The following HOTAIR variants were observed in gnomAD, a reference collection of about 807,000 sequenced individuals.
The protein encoded by HOTAIR is HOX transcript antisense RNA.
chr12:53,969,964 GC>G (rs1939121764), intron 1 of HOTAIR, among the ~76,000 whole-genome samples: 1 of 152,226 alleles, frequency 6.6e-6, no homozygotes, highest in African/African-American at 2.4e-5. Flanking sequence ...TCTGGGAGCC[GC>G]CCAGGGTAGA....
intron 5 of HOTAIR, among the ~76,000 whole-genome samples, chr12:53,964,801 G>A (rs1045752144): frequency 6.6e-6 from 1 of 152,156 alleles, no homozygotes; most frequent in African/African-American, 2.4e-5. Flanking sequence ...CTAAATCAAG[G>A]AGGCCCTAGG....
At chr12:53,970,444 C>T (rs536030422) in intron 1 of HOTAIR, among the ~76,000 whole-genome samples, 3 of 152,326 alleles carry the variant, frequency 2.0e-5, no homozygotes, top group Non-Finnish European at 2.9e-5. Context: ...GGCATTTTTG[C>T]CAGTAAATGT....
At chr12:53,972,287 G>C (rs999298826) in intron 1 of HOTAIR, among the ~76,000 whole-genome samples, 2 of 152,244 alleles carry the variant, frequency 1.3e-5, no homozygotes, top group Non-Finnish European at 2.9e-5. Flanking sequence ...AAAATCCACA[G>C]TGGATGTAGC....
chr12:53,969,251 G>T (rs1939109490), intron 1 of HOTAIR, among the ~76,000 whole-genome samples: 1 of 152,248 alleles, frequency 6.6e-6, no homozygotes, highest in African/African-American at 2.4e-5. Context: ...ATTTGGTGAG[G>T]GGGCCAGTGA....
At position 53,973,393 on chromosome 12, in the gene HOTAIR, T is replaced by C. The variant is rs1418437697; in HGVS notation, n.59+1505A>G. The stretch of plus-strand genomic sequence containing the variant: ...GAGTTCTCCACGGTCTCCTCCTTCC[T>C]GCCCCAGGCCCCCTCTCGTCAGATC... On this transcript the variant is annotated intron_variant and non_coding_transcript_variant, in intron 1 of 6. Coordinates refer to ENST00000424518, the Ensembl canonical transcript of HOTAIR. The surrounding 1 kb of genome is among the most constrained non-coding windows in gnomAD (Gnocchi z 4.3). 3.7e-6 allele frequency: 6 copies of C among 1,614,222 alleles called. No homozygotes were observed. Among genetic ancestry groups the C allele is most frequent in the Non-Finnish European group, 5.1e-6 (6 of 1,180,046 alleles).
At chr12:53,963,122 T>C (rs1315784541) in exon 7 of HOTAIR, 1 of 152,226 alleles carries the variant, frequency 6.6e-6, no homozygotes, top group Non-Finnish European at 1.5e-5. Context: ...TTTTTGAATC[T>C]TAAGTCTAGG....
chr12:53,973,055 C>T lies in HOTAIR; in HGVS notation n.59+1843G>A. On this transcript the variant is annotated intron_variant and non_coding_transcript_variant, in intron 1 of 6. Coordinates refer to ENST00000424518, the Ensembl canonical transcript of HOTAIR. The surrounding 1 kb of genome is among the most constrained non-coding windows in gnomAD (Gnocchi z 4.3). Reference sequence around the variant, plus strand: ...ATCGCCTGAACGTCCCCGATCTTACCTAAGAGAGAACCCCTCCTACGTCTG... The same window carrying T: ...ATCGCCTGAACGTCCCCGATCTTACTTAAGAGAGAACCCCTCCTACGTCTG... 1 of 532,872 alleles carries T rather than the reference C, an allele frequency of 1.9e-6. No homozygotes were observed. 33.0% of individuals were successfully genotyped at this position (532,872 alleles called of 1,614,324 possible). A position where few individuals can be genotyped will look rare whatever the true frequency, so the allele number is the denominator to read the frequency against.
intron 1 of HOTAIR, among the ~76,000 whole-genome samples, chr12:53,974,325 G>A (rs1457035467): frequency 6.6e-6 from 1 of 151,734 alleles, no homozygotes; most frequent in African/African-American, 2.4e-5. Flanking sequence ...GGGGAGGGGT[G>A]GAGGGGGAGA....
In HOTAIR at chr12:53,973,136, A is replaced by G. The variant is rs567250610; in HGVS notation, n.59+1762T>C. On this transcript the variant is annotated intron_variant and non_coding_transcript_variant, in intron 1 of 6. Transcript: ENST00000424518. This position sits in a 1 kb window ranked among gnomAD's most constrained non-coding sequence, Gnocchi z 4.3. The stretch of plus-strand genomic sequence containing the variant: ...TCTACTTTGGATCACGTGCTCAGAG[A>G]GAGAGAGACTAAGACGGATAACGCG... 3.7e-6 allele frequency: 3 copies of G among 820,308 alleles called. No homozygotes were observed. The highest frequency in any genetic ancestry group is 5.7e-6 in the Non-Finnish European group (3 of 530,062). 50.8% of individuals were successfully genotyped at this position (820,308 alleles called of 1,614,324 possible).
chr12:53,974,096 T>G lies in HOTAIR; in HGVS notation n.59+802A>C, dbSNP rs1176850893. Among the ~76,000 whole-genome samples, 3 of 149,154 alleles carry G rather than the reference T, an allele frequency of 2.0e-5. No homozygotes were observed. In the East Asian group the frequency reaches 6.3e-4, roughly 31 times the overall value. On this transcript the variant is annotated intron_variant and non_coding_transcript_variant, in intron 1 of 6. Coordinates refer to ENST00000424518, the Ensembl canonical transcript of HOTAIR. ...GATTTTATTATAACCTACAAAGCCC[T>G]CTCTCCCAACGACTCGACTTTTTAC... is the stretch of plus-strand genomic sequence containing the variant.
intron 6 of HOTAIR, chr12:53,964,170 A>C (rs1440438746): frequency 6.6e-6 from 1 of 152,126 alleles, no homozygotes; most frequent in Admixed American, 6.5e-5. Flanking sequence ...CTCTTGCCAG[A>C]GTGAACACCC....
exon 7 of HOTAIR, chr12:53,963,972 TG>T (rs111434707): frequency 0.6 from 90,740 of 152,174 alleles, 30,244 homozygotes; most frequent in East Asian, 0.73. Context: ...CTGCCACGTT[TG>T]TTCCGGGAAC....
At chr12:53,970,494 G>T (rs150448491) in intron 1 of HOTAIR, among the ~76,000 whole-genome samples, 1 of 152,206 alleles carries the variant, frequency 6.6e-6, no homozygotes, top group Non-Finnish European at 1.5e-5. Flanking sequence ...TTCCTTGACC[G>T]TAGCAGCAAC....
At chr12:53,965,290 T>A (rs4759313) in intron 5 of HOTAIR, among the ~76,000 whole-genome samples, 79,194 of 152,168 alleles carry the variant, frequency 0.52, 23,978 homozygotes, top group East Asian at 0.72. Context: ...GCTTTCCCCA[T>A]GCCCCCCCAG....
At chr12:53,967,568 C>T (rs1190258778) in intron 2 of HOTAIR, among the ~76,000 whole-genome samples, 2 of 152,206 alleles carry the variant, frequency 1.3e-5, no homozygotes, top group Admixed American at 6.5e-5. Flanking sequence ...CTGGGCTCAA[C>T]GGGCTGGAGG....
Position 53,973,629 on chromosome 12 carries a change from C to T in HOTAIR, n.59+1269G>A, listed in dbSNP as rs34652380. 6.8e-4 allele frequency: 1,095 copies of T among 1,613,778 alleles called. 16 individuals are homozygous for T. In the East Asian group the frequency reaches 0.022, roughly 32 times the overall value. ...CGGCGGCCACCACCACCCCAGCGCC[C>T]CGCACGCAACCCCCGCCGGCTTCTA... On this transcript the variant is annotated intron_variant and non_coding_transcript_variant, in intron 1 of 6. Coordinates refer to ENST00000424518, the Ensembl canonical transcript of HOTAIR. The surrounding 1 kb of genome is among the most constrained non-coding windows in gnomAD (Gnocchi z 4.3).
exon 1 of HOTAIR, chr12:53,974,921 A>T: frequency 2.0e-6 from 1 of 488,948 alleles, no homozygotes; most frequent in Non-Finnish European, 3.6e-6. Context: ...CTTCTGTCCC[A>T]GACCCTGTCA....
At chr12:53,969,923 G>T (rs754456178) in intron 1 of HOTAIR, among the ~76,000 whole-genome samples, 1 of 152,244 alleles carries the variant, frequency 6.6e-6, no homozygotes, top group South Asian at 2.1e-4. Flanking sequence ...CAAGCTAACA[G>T]GAGGCCCCAA....
intron 1 of HOTAIR, among the ~76,000 whole-genome samples, chr12:53,969,716 C>T (rs59401284): frequency 1.3e-5 from 2 of 152,148 alleles, no homozygotes; most frequent in East Asian, 3.8e-4. Context: ...CAAACGAGAG[C>T]GTCCATGTGT....
Sources: gnomAD v4.1 joint callset for allele counts (sites outside exome capture counted in the v4.1 genomes callset) on GRCh38, gnomAD v4.1.1 for gene constraint, Gnocchi (gnomAD v3.1) non-coding constraint, MANE v1.5 for transcripts, NCBI Gene and HGNC (gene_info 2026-07-23, HGNC 2026-07-21) for gene names.